ADAMTS13: variants seen among roughly 807,000 people sequenced by gnomAD.
ADAMTS13 encodes A disintegrin and metalloproteinase with thrombospondin motifs 13.
ADAMTS13 carries 110 observed loss-of-function variants against 155.1 expected under a neutral mutation model. That is an observed-to-expected ratio of 0.71 (90% CI 0.61 to 0.83). The LOEUF (loss-of-function observed/expected upper bound fraction) is 0.83. Ranked by LOEUF, ADAMTS13 falls within the 40% of genes least tolerant of loss-of-function variation. ADAMTS13 has a pLI of 0.00. For synonymous variants in ADAMTS13, 758 were observed against 756.4 expected, an observed-to-expected ratio of 1.00 and a Z score of -0.03; for missense variants, 1,707 against 1,891.7, an observed-to-expected ratio of 0.90 and a Z score of 1.81.
intron 14 of ADAMTS13, 39 bp downstream of exon 14, chr9:133,438,405 C>CGGA: frequency 6.2e-7 from 1 of 1,610,618 alleles, no homozygotes; most frequent in Non-Finnish European, 8.5e-7. Flanking sequence ...GGGCTTCCCC[C>CGGA]AGCCTCCAAG....
Position 133,442,602 on chromosome 9 carries a change from CT to C in ADAMTS13, c.2105-10del. The C allele has an allele frequency of 6.2e-7, 1 of 1,613,340 alleles. No individual in the cohort carries two copies. Among genetic ancestry groups the C allele is most frequent in the South Asian group, 1.1e-5 (1 of 91,092 alleles). ...GCAGGGAGGCGGCCTAGCCCTCCCT[CT>C]TCCCTCCCAGGGCTGCGCTGGGTAA... On this transcript the variant is annotated splice_polypyrimidine_tract_variant and intron_variant, in intron 17 of 28. Coordinates refer to ENST00000355699, the MANE Select transcript of ADAMTS13 (RefSeq NM_139027.6).
rs1554792197 is a variant in ADAMTS13 at position 133,445,143 on chromosome 9, G to A, written c.2610+91G>A. 6 of 1,403,494 alleles carry A rather than the reference G, an allele frequency of 4.3e-6. No homozygotes were observed. In the African/African-American group the frequency reaches 8.5e-5, roughly 20 times the overall value. 86.9% of individuals were successfully genotyped at this position (1,403,494 alleles called of 1,614,324 possible). ...AGCACCCATTGCCACCGTCCTCCAGGCCAGAGCAAGAACACCATCCTTCTG... is the reference window on the plus strand; with the variant it reads ...AGCACCCATTGCCACCGTCCTCCAGACCAGAGCAAGAACACCATCCTTCTG... On this transcript the variant is annotated intron_variant, in intron 20 of 28. Coordinates refer to ENST00000355699, the MANE Select transcript of ADAMTS13 (RefSeq NM_139027.6). This position sits in a 1 kb window ranked among gnomAD's most constrained non-coding sequence, Gnocchi z 5.0.
At position 133,441,399 on chromosome 9, in the gene ADAMTS13, C is replaced by T. The variant is rs950226850; in HGVS notation, c.1968+874C>T. 1.8e-4 allele frequency among the ~76,000 whole-genome samples: 28 copies of T among 152,206 alleles called. No individual in the cohort carries two copies. Among genetic ancestry groups the T allele is most frequent in the African/African-American group, 6.8e-4 (28 of 41,448 alleles). On this transcript the variant is annotated intron_variant, in intron 16 of 28. Transcript: ENST00000355699. This position sits in a 1 kb window ranked among gnomAD's most constrained non-coding sequence, Gnocchi z 5.0. Reference sequence around the variant, plus strand: ...GACATTGTATCCAGATGCTAGCTGCCGAGTGGCTCTCCCATCATCCTCTGC... The same window carrying T: ...GACATTGTATCCAGATGCTAGCTGCTGAGTGGCTCTCCCATCATCCTCTGC...
intron 7 of ADAMTS13, chr9:133,429,670 C>T: frequency 1.6e-6 from 1 of 640,518 alleles, no homozygotes; most frequent in Non-Finnish European, 2.9e-6. Context: ...CGCTCCCGGG[C>T]CTAACCTGCA....
chr9:133,423,283 G>A (rs28621549), intron 2 of ADAMTS13, 116 bp downstream of exon 2: 3 of 983,092 alleles, frequency 3.1e-6, no homozygotes, highest in African/African-American at 3.2e-5. Flanking sequence ...GAAGGTCAGA[G>A]AAGCTGCTGT....
In ADAMTS13 at chr9:133,432,617, A is replaced by G. The variant is rs1554787796; in HGVS notation, c.1017A>G (p.Thr339=). ...TGTGCCAGGCCCTCTCCTGCCACAC[A>G]GACCCGCTGGACCAAAGCAGCTGCA... The part of the protein sequence containing the change: ...LDMCQALSCH[T]DPLDQSSCSR... Residue 339 remains threonine (T), a synonymous_variant, in exon 9 of 29, where the codon ACA becomes ACG. Coordinates refer to ENST00000355699, the MANE Select transcript of ADAMTS13 (RefSeq NM_139027.6). The G allele has an allele frequency of 1.9e-6, 3 of 1,556,304 alleles. No homozygotes were observed. The East Asian group carries it at 7.2e-5, about 37-fold the overall frequency.
Position 133,439,433 on chromosome 9 carries a change from C to G in ADAMTS13, c.1773C>G (p.Leu591=). 1 of 1,614,034 alleles carries G rather than the reference C, an allele frequency of 6.2e-7. No individual in the cohort carries two copies. Among genetic ancestry groups the G allele is most frequent in the Non-Finnish European group, 8.5e-7 (1 of 1,179,860 alleles). ...TSVYIANHRP[L]FTHLAVRIGG... The stretch of plus-strand genomic sequence containing the variant: ...TCTACATTGCCAACCACAGGCCTCT[C>G]TTCACACACTTGGGTGAGTTGACTG... The change falls in exon 15 of 29, where the codon CTC becomes CTG. Residue 591 remains leucine, a synonymous_variant. Transcript: ENST00000355699.
At chr9:133,438,039 A>G in intron 13 of ADAMTS13, 142 bp downstream of exon 13, 1 of 1,524,926 alleles carries the variant, frequency 6.6e-7, no homozygotes. Context: ...AAGGATCTGG[A>G]CTTGGAGTCA....
At chr9:133,446,379 T>A (rs782212205) in intron 21 of ADAMTS13, among the ~76,000 whole-genome samples, 1 of 152,192 alleles carries the variant, frequency 6.6e-6, no homozygotes, top group Non-Finnish European at 1.5e-5. Context: ...CCATTCTCCT[T>A]TCTGTCTCCA....
chr9:133,457,190 T>A (rs1271956587), intron 27 of ADAMTS13: 1 of 239,106 alleles, frequency 4.2e-6, no homozygotes, highest in Non-Finnish European at 8.5e-6. Context: ...CGTGGCCCCC[T>A]CGATATCCTC....
In ADAMTS13 at chr9:133,432,613, A is replaced by G; in HGVS notation, c.1013A>G (p.His338Arg). The G allele has an allele frequency of 6.4e-7, 1 of 1,555,614 alleles. No homozygotes were observed. The highest frequency in any genetic ancestry group is 8.7e-7 in the Non-Finnish European group (1 of 1,149,172). ...GATATGTGCCAGGCCCTCTCCTGCC[A>G]CACAGACCCGCTGGACCAAAGCAGC... ...HLDMCQALSCHTDPLDQSSCS... is the reference protein window; with the variant it reads ...HLDMCQALSCRTDPLDQSSCS... The change falls in exon 9 of 29, where the codon CAC (histidine) becomes CGC (arginine). Residue 338 changes from histidine (H) to arginine (R), a missense_variant. Physicochemically the swap from His to Arg is conservative, Grantham distance 29. Coordinates refer to ENST00000355699, the MANE Select transcript of ADAMTS13 (RefSeq NM_139027.6).
intron 21 of ADAMTS13, 65 bp from the exon 22 acceptor site, chr9:133,448,534 G>C: frequency 6.3e-7 from 1 of 1,599,502 alleles, no homozygotes; most frequent in South Asian, 1.1e-5. Flanking sequence ...TGTCCAGTGA[G>C]CCTGGGCTGC....
chr9:133,439,578 G>A, intron 15 of ADAMTS13, 132 bp downstream of exon 15: 2 of 801,556 alleles, frequency 2.5e-6, no homozygotes, highest in South Asian at 1.4e-5. Context: ...AGGCTTGATA[G>A]TTGACTAGGA....
Position 133,425,970 on chromosome 9 carries a change from G to A in ADAMTS13, c.447G>A (p.Ser149=), listed in dbSNP as rs796166629. The change falls in exon 5 of 29, where the codon TCG becomes TCA. Residue 149 remains serine, a synonymous_variant. Coordinates refer to ENST00000355699, the MANE Select transcript of ADAMTS13 (RefSeq NM_139027.6). This position sits in a 1 kb window ranked among gnomAD's most constrained non-coding sequence, Gnocchi z 4.6. The part of the protein sequence containing the change: ...GAPNITANLT[S]SLLSVCGWSQ... ...CAAATATCACAGCCAACCTCACCTCGTCCCTGCTGAGCGTCTGTGGGTGGA... is the reference window on the plus strand; with the variant it reads ...CAAATATCACAGCCAACCTCACCTCATCCCTGCTGAGCGTCTGTGGGTGGA... The A allele has an allele frequency of 1.1e-5, 17 of 1,613,728 alleles. No homozygotes were observed. Among genetic ancestry groups the A allele is most frequent in the Middle Eastern group, 3.3e-4 (2 of 6,084 alleles).
At position 133,445,207 on chromosome 9, in the gene ADAMTS13, A is replaced by C. The variant is rs781840836; in HGVS notation, c.2610+155A>C. On this transcript the variant is annotated intron_variant, in intron 20 of 28. Coordinates refer to ENST00000355699, the MANE Select transcript of ADAMTS13 (RefSeq NM_139027.6). This position sits in a 1 kb window ranked among gnomAD's most constrained non-coding sequence, Gnocchi z 5.0. The stretch of plus-strand genomic sequence containing the variant: ...TGAGGGCCACCCCTGCTCAGAAAAG[A>C]AGCTTAGAAAGAGGGCTCAGGGCCC... Among the ~76,000 whole-genome samples, 3 of 152,196 alleles carry C rather than the reference A, an allele frequency of 2.0e-5. No individual in the cohort carries two copies. The highest frequency in any genetic ancestry group is 4.8e-5 in the African/African-American group (2 of 41,442).
At chr9:133,431,608 A>G (rs1554787499) in intron 8 of ADAMTS13, among the ~76,000 whole-genome samples, 3 of 151,242 alleles carry the variant, frequency 2.0e-5, no homozygotes, top group Admixed American at 2.0e-4. Context: ...ATTACAGGAT[A>G]AGCCACCACA....
chr9:133,421,629 T>G (rs984700802), upstream of ADAMTS13, among the ~76,000 whole-genome samples: 4 of 152,108 alleles, frequency 2.6e-5, no homozygotes, highest in Non-Finnish European at 4.4e-5. Flanking sequence ...AGTGAAACAT[T>G]TGTTGGCTGA....
rs1554790532 is a variant in ADAMTS13 at position 133,440,752 on chromosome 9, T to C, written c.1968+227T>C. 6.6e-6 allele frequency among the ~76,000 whole-genome samples: 1 copy of C among 152,120 alleles called. No homozygotes were observed. The highest frequency in any genetic ancestry group is 6.5e-5 in the Admixed American group (1 of 15,274). On this transcript the variant is annotated intron_variant, in intron 16 of 28. Coordinates refer to ENST00000355699, the MANE Select transcript of ADAMTS13 (RefSeq NM_139027.6). The surrounding 1 kb of genome is among the most constrained non-coding windows in gnomAD (Gnocchi z 4.3). ...CAAATGTGCCTGTGCCCAGAGCCCG[T>C]GGGAGAAGGCCCTGCAGTTCTGGGA...
chr9:133,417,955 C>T, upstream of ADAMTS13: 2 of 977,450 alleles, frequency 2.0e-6, no homozygotes, highest in Non-Finnish European at 3.0e-6. Flanking sequence ...ACACACCCAC[C>T]GCAGGGACCC....
Sources: allele counts gnomAD v4.1 joint callset (sites outside exome capture counted in the v4.1 genomes callset), GRCh38; gene constraint gnomAD v4.1.1; non-coding constraint Gnocchi (gnomAD v3.1); transcripts MANE v1.5; gene names NCBI Gene and HGNC (gene_info 2026-07-23, HGNC 2026-07-21).